The following DDR2 variants were observed in gnomAD, a reference collection of about 807,000 sequenced individuals.
DDR2 encodes discoidin domain receptor tyrosine kinase 2.
Under a neutral mutation model 94.9 loss-of-function variants are expected in DDR2, and 27 were observed. The ratio of observed to expected loss-of-function variants is 0.28; its 90% CI spans 0.21 to 0.39. The LOEUF is 0.39. Ranked by LOEUF, DDR2 falls within the 10% of genes least tolerant of loss-of-function variation. The pLI, the probability that DDR2 is intolerant of heterozygous loss-of-function variation, is 1.00. For missense variants in DDR2, 783 were observed against 1,076.0 expected (o/e 0.73, Z 3.81); for synonymous variants, 382 against 377.2 (o/e 1.01, Z -0.15).
intron 2 of DDR2, among the ~76,000 whole-genome samples, chr1:162,703,132 T>C (rs1390805176): frequency 6.6e-6 from 1 of 152,182 alleles, no homozygotes; most frequent in Non-Finnish European, 1.5e-5. Context: ...ATAGAGAGTA[T>C]ATGCAGTTTG....
intron 4 of DDR2, 131 bp from the exon 5 acceptor site, chr1:162,754,493 A>G: frequency 1.1e-6 from 1 of 895,506 alleles, no homozygotes; most frequent in Middle Eastern, 3.2e-4. Context: ...AAACTGTGGC[A>G]AGAACCCAAA....
intron 3 of DDR2, among the ~76,000 whole-genome samples, chr1:162,751,805 T>G (rs566724908): frequency 2.0e-5 from 3 of 152,328 alleles, no homozygotes; most frequent in African/African-American, 7.2e-5. Flanking sequence ...CACCATGGAA[T>G]ACTATGCAGC....
At position 162,689,291 on chromosome 1, in the gene DDR2, C is replaced by T. The variant is rs572250265; in HGVS notation, c.-27-29746C>T. On this transcript the variant is annotated intron_variant, in intron 2 of 17. Coordinates refer to ENST00000367921, the MANE Select transcript of DDR2 (RefSeq NM_006182.4). The stretch of plus-strand genomic sequence containing the variant: ...TAATACCTGTGTTTCCAAGAAAGTG[C>T]CAGGTACTGGCTAGTCCTCACCACA... 2.6e-5 allele frequency among the ~76,000 whole-genome samples: 4 copies of T among 152,292 alleles called. No individual in the cohort carries two copies. In the South Asian group the frequency reaches 8.3e-4, roughly 32 times the overall value.
At chr1:162,722,311 T>C (rs1661460632) in intron 3 of DDR2, among the ~76,000 whole-genome samples, 1 of 152,178 alleles carries the variant, frequency 6.6e-6, no homozygotes, top group South Asian at 2.1e-4. Flanking sequence ...GCATTGTCAA[T>C]GGGGCCTGGA....
Position 162,689,841 on chromosome 1 carries a change from T to TA in DDR2, c.-27-29196_-27-29195insA, listed in dbSNP as rs1558028580. Among the ~76,000 whole-genome samples, 22 of 14,688 alleles carry TA rather than the reference T, an allele frequency of 1.5e-3. 1 individual carries two copies. Among genetic ancestry groups the TA allele is most frequent in the African/African-American group, 2.5e-3 (16 of 6,466 alleles). The allele number at this position is 14,688 out of a possible 152,430, so 9.6% of individuals were successfully genotyped here. A position where few individuals can be genotyped will look rare whatever the true frequency, so the allele number is the denominator to read the frequency against. On this transcript the variant is annotated intron_variant, in intron 2 of 17. Coordinates refer to ENST00000367921, the MANE Select transcript of DDR2 (RefSeq NM_006182.4). Reference sequence around the variant, plus strand: ...CAACATGGTGAAACCCCATCTCTACTTAAAAAAAAAAAAAAAAAAAAAAAA... The same window carrying TA: ...CAACATGGTGAAACCCCATCTCTACTATAAAAAAAAAAAAAAAAAAAAAAAA...
At chr1:162,658,503 C>CAG (rs368908042) in intron 2 of DDR2, among the ~76,000 whole-genome samples, 1 of 150,184 alleles carries the variant, frequency 6.7e-6, no homozygotes, top group Non-Finnish European at 1.5e-5. Context: ...GTCCCTCCAC[C>CAG]AGAGAGAGAG....
intron 5 of DDR2, 51 bp from the exon 6 acceptor site, chr1:162,755,105 G>C (rs763918233): frequency 7.4e-6 from 12 of 1,612,852 alleles, no homozygotes; most frequent in Admixed American, 1.7e-5. Flanking sequence ...GTGAAGAAAA[G>C]TGAGCATGAT....
chr1:162,659,680 A>C (rs1484630075), intron 2 of DDR2, among the ~76,000 whole-genome samples: 1 of 152,176 alleles, frequency 6.6e-6, no homozygotes. Flanking sequence ...AGAGATGCTC[A>C]TTTCTGATGT....
At chr1:162,678,331 A>G (rs544643472) in intron 2 of DDR2, among the ~76,000 whole-genome samples, 52 of 152,338 alleles carry the variant, frequency 3.4e-4, no homozygotes, top group African/African-American at 1.2e-3. Context: ...CGTGAAGATT[A>G]AGTGAGGCAA....
At chr1:162,645,976 T>C (rs1657386626) in intron 1 of DDR2, among the ~76,000 whole-genome samples, 1 of 152,204 alleles carries the variant, frequency 6.6e-6, no homozygotes, top group South Asian at 2.1e-4. Flanking sequence ...AAAGTCCCCA[T>C]AGCACATCTG....
At chr1:162,770,795 A>G (rs1398566932) in intron 12 of DDR2, 4 of 475,966 alleles carry the variant, frequency 8.4e-6, no homozygotes, top group African/African-American at 5.9e-5. Context: ...AGAAGAACCT[A>G]AACAGTCCAA....
chr1:162,664,380 T>A (rs1201650146), intron 2 of DDR2, among the ~76,000 whole-genome samples: 3 of 152,048 alleles, frequency 2.0e-5, no homozygotes, highest in African/African-American at 7.2e-5. Context: ...GGAACTTTAG[T>A]TTTATGAATG....
chr1:162,647,722 C>T (rs770811680), intron 1 of DDR2, among the ~76,000 whole-genome samples: 15 of 152,148 alleles, frequency 9.9e-5, no homozygotes, highest in Non-Finnish European at 1.8e-4. Context: ...ACTGTTATAG[C>T]GCTGGTGGGA....
chr1:162,750,689 A>G (rs1421629048), intron 3 of DDR2, among the ~76,000 whole-genome samples: 3 of 152,158 alleles, frequency 2.0e-5, no homozygotes, highest in African/African-American at 4.8e-5. Flanking sequence ...CATTGCCAAG[A>G]CAATCCTAAG....
At chr1:162,701,073 G>GAAA (rs397738963) in intron 2 of DDR2, among the ~76,000 whole-genome samples, 3 of 143,606 alleles carry the variant, frequency 2.1e-5, no homozygotes, top group African/African-American at 5.2e-5. Context: ...AAGAAGAACT[G>GAAA]AAAAAAAAAA....
At chr1:162,694,847 T>G in intron 2 of DDR2, among the ~76,000 whole-genome samples, 1 of 152,228 alleles carries the variant, frequency 6.6e-6, no homozygotes, top group Non-Finnish European at 1.5e-5. Flanking sequence ...TTGAGTTTTG[T>G]TTTTGTTTTT....
intron 3 of DDR2, among the ~76,000 whole-genome samples, chr1:162,729,298 A>ATGTTGTTTTTTTTTT (rs1324912200): frequency 2.0e-4 from 7 of 34,448 alleles, no homozygotes; most frequent in African/African-American, 4.8e-4. Context: ...ATATATATAT[A>ATGTTGTTTTTTTTTT]TATTTTTTTT....
chr1:162,695,757 A>G (rs1251053925), intron 2 of DDR2, among the ~76,000 whole-genome samples: 1 of 152,252 alleles, frequency 6.6e-6, no homozygotes. Flanking sequence ...GCTACCATTT[A>G]CTGAGTACTT....
At chr1:162,640,595 T>C (rs1199859523) in intron 1 of DDR2, among the ~76,000 whole-genome samples, 1 of 152,246 alleles carries the variant, frequency 6.6e-6, no homozygotes. Flanking sequence ...TCTTGGCTAC[T>C]TCTTTCTTAT....
Sources: allele counts gnomAD v4.1 joint callset (sites outside exome capture counted in the v4.1 genomes callset), GRCh38; gene constraint gnomAD v4.1.1; transcripts MANE v1.5; gene names NCBI Gene and HGNC (gene_info 2026-07-23, HGNC 2026-07-21).